Variants in XDH observed in about 807,000 individuals in gnomAD.
The protein encoded by XDH is xanthine dehydrogenase.
Under a neutral mutation model 156.1 loss-of-function variants are expected in XDH, and 138 were observed. The observed-to-expected ratio is 0.88, with a 90% CI of 0.77 to 1.02. XDH has a LOEUF of 1.02. Among genes scored for constraint, XDH ranks in the 50% least tolerant of loss-of-function variants. The pLI is 0.00. For missense variants in XDH, 1,849 were observed against 1,684.9 expected (o/e 1.10, Z -1.71); for synonymous variants, 669 against 625.7 (o/e 1.07, Z -1.03).
rs45619033 is a variant in XDH at position 31,347,527 on chromosome 2, C to T, written c.3271G>A (p.Val1091Ile). The T allele has an allele frequency of 2.1e-5, 34 of 1,613,772 alleles. No homozygotes were observed. Among genetic ancestry groups the T allele is most frequent in the East Asian group, 1.3e-4 (6 of 44,880 alleles). Residue 1091 changes from valine to isoleucine, a missense_variant, in exon 29 of 36, where the codon GTC (valine) becomes ATC (isoleucine). Coordinates refer to ENST00000379416, the MANE Select transcript of XDH (RefSeq NM_000379.4). ...SVSADLNGQA[V>I]YAACQTILKR... ...GGATCCCATGGGCTCCTTACATAGA[C>T]GGCCTGTCCATTGAGGTCAGCGCTG...
Position 31,339,568 on chromosome 2 carries a change from G to T in XDH, c.3695C>A (p.Ala1232Glu). The change falls in exon 34 of 36, where the codon GCA becomes GAA. Residue 1232 changes from alanine to glutamate, a missense_variant. Physicochemically the swap from Ala to Glu is moderately radical, Grantham distance 107. Coordinates refer to ENST00000379416, the MANE Select transcript of XDH (RefSeq NM_000379.4). ...TRGPSTYKIPAFGSIPIEFRV... is the reference protein window; with the variant it reads ...TRGPSTYKIPEFGSIPIEFRV... ...GAACTCAATGGGGATGCTGCCAAAT[G>T]CCGGGATCTTGTAGGTGCTAGGGCC... is the stretch of plus-strand genomic sequence containing the variant. 1.2e-6 allele frequency: 2 copies of T among 1,614,224 alleles called. No individual in the cohort carries two copies. Among genetic ancestry groups the T allele is most frequent in the Non-Finnish European group, 1.7e-6 (2 of 1,180,048 alleles).
intron 6 of XDH, among the ~76,000 whole-genome samples, chr2:31,393,614 A>C (rs1686830382): frequency 6.6e-6 from 1 of 152,128 alleles, no homozygotes; most frequent in Non-Finnish European, 1.5e-5. Context: ...ACTGACATTT[A>C]AGGTAATCAT....
chr2:31,344,123 C>A (rs1416218179), intron 31 of XDH, among the ~76,000 whole-genome samples: 1 of 152,124 alleles, frequency 6.6e-6, no homozygotes, highest in African/African-American at 2.4e-5. Context: ...CACGCTGCTA[C>A]TAAATTTAAA....
At chr2:31,364,072 G>A (rs2148765888) in intron 24 of XDH, 86 bp downstream of exon 24, 2 of 1,287,488 alleles carry the variant, frequency 1.6e-6, no homozygotes, top group South Asian at 1.2e-5. Context: ...GTAGCAAGCA[G>A]GGACTGGGGA....
chr2:31,391,886 T>A (rs1049237735), intron 6 of XDH, among the ~76,000 whole-genome samples: 45 of 152,336 alleles, frequency 3.0e-4, no homozygotes, highest in African/African-American at 1.1e-3. Flanking sequence ...AGAATTGACA[T>A]AATTTCTTTT....
intron 6 of XDH, among the ~76,000 whole-genome samples, chr2:31,389,312 T>C (rs897582139): frequency 2.0e-5 from 3 of 152,150 alleles, no homozygotes; most frequent in African/African-American, 7.2e-5. Flanking sequence ...AGGCAGGCAG[T>C]GGCATCAGGA....
chr2:31,380,499 G>A (rs557656454), intron 12 of XDH, among the ~76,000 whole-genome samples: 35 of 152,354 alleles, frequency 2.3e-4, no homozygotes, highest in Admixed American at 2.1e-3. Flanking sequence ...GCACATGCTA[G>A]TAGAGGCTGC....
Position 31,335,685 on chromosome 2 carries a change from A to G in XDH, c.*273T>C, listed in dbSNP as rs1464766261. Reference sequence around the variant, plus strand: ...AATAGCACAAACCCTTCCCGACCCTATTCCAGATACATGATTAAAACAGAC... The same window carrying G: ...AATAGCACAAACCCTTCCCGACCCTGTTCCAGATACATGATTAAAACAGAC... On this transcript the variant is annotated 3_prime_UTR_variant, in exon 36 of 36. Coordinates refer to ENST00000379416, the MANE Select transcript of XDH (RefSeq NM_000379.4). 1 of 556,586 alleles carries G rather than the reference A, an allele frequency of 1.8e-6. No individual in the cohort carries two copies. The highest frequency in any genetic ancestry group is 3.2e-6 in the Non-Finnish European group (1 of 309,260). 34.5% of individuals were successfully genotyped at this position (556,586 alleles called of 1,614,324 possible). A position where few individuals can be genotyped will look rare whatever the true frequency, so the allele number is the denominator to read the frequency against.
chr2:31,368,099 G>T, intron 19 of XDH, 42 bp from the exon 20 acceptor site: 1 of 1,573,316 alleles, frequency 6.4e-7, no homozygotes, highest in Non-Finnish European at 8.7e-7. Context: ...GCTTTTAGCA[G>T]GGAGGGAAAG....
intron 26 of XDH, 99 bp from the exon 27 acceptor site, chr2:31,349,079 C>T (rs892433956): frequency 7.4e-6 from 9 of 1,214,498 alleles, no homozygotes; most frequent in Non-Finnish European, 8.3e-6. Context: ...CTTGGGGTTG[C>T]CCACAAAGAT....
Position 31,375,553 on chromosome 2 carries a change from G to A in XDH, c.1429C>T (p.Leu477Phe), listed in dbSNP as rs1372309468. 6.2e-7 allele frequency: 1 copy of A among 1,613,044 alleles called. No homozygotes were observed. The highest frequency in any genetic ancestry group is 8.5e-7 in the Non-Finnish European group (1 of 1,179,972). ...TCCTGCAGCAGCTCCTCCTTCCAGAGCCTGCCAGAGAGCAGGGCGTGGGAC... is the reference window on the plus strand; with the variant it reads ...TCCTGCAGCAGCTCCTCCTTCCAGAACCTGCCAGAGAGCAGGGCGTGGGAC... ...LKTTQRQLSK[L>F]WKEELLQDVC... is the part of the protein sequence containing the mutation. The change falls in exon 15 of 36, where the codon CTC (leucine) becomes TTC (phenylalanine). Residue 477 changes from leucine to phenylalanine, a missense_variant and splice_region_variant. Physicochemically the swap from Leu to Phe is conservative, Grantham distance 22 (BLOSUM62 0). Coordinates refer to ENST00000379416, the MANE Select transcript of XDH (RefSeq NM_000379.4).
chr2:31,402,061 A>G (rs1687073527), intron 3 of XDH, among the ~76,000 whole-genome samples: 8 of 152,212 alleles, frequency 5.3e-5, no homozygotes, highest in Admixed American at 5.2e-4. Context: ...AGGCCTGAAG[A>G]CTCAGCAGAG....
chr2:31,390,833 C>T (rs1219749244), intron 6 of XDH, among the ~76,000 whole-genome samples: 2 of 152,118 alleles, frequency 1.3e-5, no homozygotes, highest in Admixed American at 6.5e-5. Context: ...GGTCTTTTAC[C>T]CATTTTTTAA....
At chr2:31,343,958 T>G (rs1395160544) in intron 31 of XDH, among the ~76,000 whole-genome samples, 5 of 152,082 alleles carry the variant, frequency 3.3e-5, no homozygotes, top group African/African-American at 9.7e-5. Context: ...ATTGAATTAT[T>G]TTCCAAATAT....
chr2:31,338,625 T>A (rs148985793), intron 34 of XDH, among the ~76,000 whole-genome samples: 1 of 150,834 alleles, frequency 6.6e-6, no homozygotes, highest in African/African-American at 2.4e-5. Flanking sequence ...ATTATATGCA[T>A]CAGCTAAATC....
chr2:31,406,454 CA>C (rs2148011026), intron 1 of XDH, among the ~76,000 whole-genome samples: 1 of 152,260 alleles, frequency 6.6e-6, no homozygotes, highest in South Asian at 2.1e-4. Context: ...TTCTTTATAG[CA>C]ATGCATGAAT....
At chr2:31,388,138 C>T (rs1022662655) in intron 7 of XDH, 89 bp downstream of exon 7, 140 of 1,467,774 alleles carry the variant, frequency 9.5e-5, no homozygotes, top group Non-Finnish European at 1.2e-4. Context: ...CTCTTCCAGC[C>T]CCCACCGCCA....
In XDH at chr2:31,388,347, G is replaced by A. The variant is rs45501994; in HGVS notation, c.496-52C>T. On this transcript the variant is annotated intron_variant, in intron 6 of 35. Transcript: ENST00000379416. ...AGGGTATTTACAAAGAGTATTTGCAGAAGCTAAGGAATCTAGATTACTAAT... is the reference window on the plus strand; with the variant it reads ...AGGGTATTTACAAAGAGTATTTGCAAAAGCTAAGGAATCTAGATTACTAAT... 9,410 of 1,588,012 alleles carry A rather than the reference G, an allele frequency of 5.9e-3. 464 individuals are homozygous for A. The African/African-American group carries it at 0.11, about 19-fold the overall frequency.
intron 3 of XDH, 105 bp downstream of exon 3, chr2:31,402,943 A>G: frequency 8.1e-7 from 1 of 1,230,122 alleles, no homozygotes; most frequent in South Asian, 1.2e-5. Flanking sequence ...ACAGGGGCTC[A>G]CACATGCGCA....
Sources: gnomAD v4.1 joint callset for allele counts (sites outside exome capture counted in the v4.1 genomes callset) on GRCh38, gnomAD v4.1.1 for gene constraint, MANE v1.5 for transcripts, NCBI Gene and HGNC (gene_info 2026-07-23, HGNC 2026-07-21) for gene names.